DPP8: variants seen among roughly 807,000 people sequenced by gnomAD.
DPP8 encodes the protein DPP VIII.
A neutral mutation model predicts 107.5 loss-of-function variants in DPP8; 31 were observed. The observed-to-expected ratio is 0.29, with a 90% confidence interval of 0.22 to 0.39. DPP8 has a LOEUF of 0.39. Among genes scored for constraint, DPP8 ranks in the 10% least tolerant of loss-of-function variants. The pLI is 1.00. For synonymous variants in DPP8, 381 were observed against 356.6 expected (o/e 1.07, Z -0.77); for missense variants, 842 against 1,076.1 (o/e 0.78, Z 3.04).
intron 3 of DPP8, among the ~76,000 whole-genome samples, 177 bp from the exon 4 acceptor site, chr15:65,500,956 C>T (rs558985631): frequency 4.7e-5 from 7 of 148,482 alleles, no homozygotes; most frequent in African/African-American, 1.5e-4. Context: ...TGGCTCACTG[C>T]AAGCTCTGCC....
intron 19 of DPP8, among the ~76,000 whole-genome samples, chr15:65,449,720 A>G (rs562322782): frequency 1.6e-4 from 25 of 152,042 alleles, no homozygotes; most frequent in Non-Finnish European, 2.2e-4. Flanking sequence ...CCATTTCATA[A>G]CTACATACTC....
intron 12 of DPP8, among the ~76,000 whole-genome samples, chr15:65,469,674 A>T (rs1268265357): frequency 1.1e-4 from 17 of 150,730 alleles, no homozygotes; most frequent in Non-Finnish European, 1.3e-4. Flanking sequence ...AAAAAAAAAA[A>T]AAATTACAAA....
intron 2 of DPP8, among the ~76,000 whole-genome samples, chr15:65,507,758 TA>T (rs1333229455): frequency 6.6e-6 from 1 of 151,836 alleles, no homozygotes; most frequent in African/African-American, 2.4e-5. Flanking sequence ...AATATAAAAG[TA>T]TGTAAGTTGC....
Position 65,461,651 on chromosome 15 carries a change from G to C in DPP8, c.1971+2110C>G, listed in dbSNP as rs982693903. On this transcript the variant is annotated intron_variant, in intron 15 of 19. Transcript: ENST00000300141. ...AGAGTCTCGCTGTGTTGTCCAGGCC[G>C]GAGTGCAGTGGTACGATCTTGGCTC... 2.0e-5 allele frequency among the ~76,000 whole-genome samples: 3 copies of C among 150,774 alleles called. No individual in the cohort carries two copies. The East Asian group carries it at 5.9e-4, about 29-fold the overall frequency.
intron 12 of DPP8, among the ~76,000 whole-genome samples, 159 bp downstream of exon 12, chr15:65,474,050 G>T (rs1218801143): frequency 6.6e-6 from 1 of 152,076 alleles, no homozygotes; most frequent in Admixed American, 6.5e-5. Flanking sequence ...GTTGTAGTGA[G>T]CCGAGATCAC....
intron 11 of DPP8, chr15:65,475,365 A>G: frequency 2.9e-6 from 4 of 1,398,320 alleles, no homozygotes; most frequent in African/African-American, 2.8e-5. Flanking sequence ...TGGGCTTTGG[A>G]GGAACAGGAG....
In DPP8 at chr15:65,477,223, C is replaced by A. The variant is rs529798979; in HGVS notation, c.1456+1657G>T. Among the ~76,000 whole-genome samples, 11 of 152,026 alleles carry A rather than the reference C, an allele frequency of 7.2e-5. No individual in the cohort carries two copies. The East Asian group carries it at 1.9e-3, about 27-fold the overall frequency. On this transcript the variant is annotated intron_variant, in intron 11 of 19. Transcript: ENST00000300141. Reference sequence around the variant, plus strand: ...ATCACATGAGGTCAGGAGTTCGAGACCAGCCCGGCCAAAATACAAAAATTA... The same window carrying A: ...ATCACATGAGGTCAGGAGTTCGAGAACAGCCCGGCCAAAATACAAAAATTA...
At chr15:65,486,885 T>A (rs930407574) in intron 7 of DPP8, among the ~76,000 whole-genome samples, 1 of 152,090 alleles carries the variant, frequency 6.6e-6, no homozygotes, top group African/African-American at 2.4e-5. Context: ...CAGTGTACAC[T>A]GCTCGGGTGA....
Position 65,444,519 on chromosome 15 carries a change from TATG to T in DPP8, c.*2362_*2364del, listed in dbSNP as rs2063419698. 6.6e-6 allele frequency: 1 copy of T among 152,216 alleles called. No individual in the cohort carries two copies. Among genetic ancestry groups the T allele is most frequent in the Non-Finnish European group, 1.5e-5 (1 of 68,032 alleles). 9.4% of individuals were successfully genotyped at this position (152,216 alleles called of 1,614,324 possible). A position where few individuals can be genotyped will look rare whatever the true frequency, so the allele number is the denominator to read the frequency against. On this transcript the variant is annotated 3_prime_UTR_variant, in exon 20 of 20. Transcript: ENST00000300141. The stretch of plus-strand genomic sequence containing the variant: ...ATTTCTACTGATTGCCTCAATTGAC[TATG>T]ATATTTTCCACACTGATTGTAAAAA...
rs755361773 is a variant in DPP8 at position 65,497,907 on chromosome 15, G to A, written c.672C>T (p.Asn224=). The A allele has an allele frequency of 6.3e-7, 1 of 1,592,244 alleles. No homozygotes were observed. The highest frequency in any genetic ancestry group is 8.6e-7 in the Non-Finnish European group (1 of 1,166,344). The change falls in exon 5 of 20, where the codon AAC becomes AAT. Residue 224 remains asparagine, a synonymous_variant. Coordinates refer to ENST00000300141, the MANE Select transcript of DPP8 (RefSeq NM_130434.5). ...FIHSNDIWIS[N]IVTREERRLT... Reference sequence around the variant, plus strand: ...GTCTCCTTTCTTCTCTGGTTACGATGTTAGATATCCAAATATCGTTGCTAT... The same window carrying A: ...GTCTCCTTTCTTCTCTGGTTACGATATTAGATATCCAAATATCGTTGCTAT...
rs1403817884 is a variant in DPP8, at chr15:65,467,199, G to C, written c.1561C>G (p.Leu521Val). 6.2e-7 allele frequency: 1 copy of C among 1,614,042 alleles called. No homozygotes were observed. ...TCTTTGGTGCCTTCAAAATATACCA[G>C]CCTTCTGACTTCATCAACTTGGATC... is the stretch of plus-strand genomic sequence containing the variant. ...SNIQVDEVRR[L>V]VYFEGTKDSP... The change falls in exon 13 of 20, where the codon CTG becomes GTG. Residue 521 changes from leucine (L) to valine (V), a missense_variant. Physicochemically the swap from Leu to Val is conservative, Grantham distance 32. Coordinates refer to ENST00000300141, the MANE Select transcript of DPP8 (RefSeq NM_130434.5).
At chr15:65,458,255 T>C (rs77019915) in intron 15 of DPP8, among the ~76,000 whole-genome samples, 1,600 of 150,990 alleles carry the variant, frequency 0.011, 26 homozygotes, top group African/African-American at 0.038. Flanking sequence ...TAAGTATTTG[T>C]TACACAAACT....
At chr15:65,489,205 C>T (rs1308261457) in intron 6 of DPP8, among the ~76,000 whole-genome samples, 1 of 151,586 alleles carries the variant, frequency 6.6e-6, no homozygotes, top group Non-Finnish European at 1.5e-5. Flanking sequence ...ATGATCCGCC[C>T]GCCTTGGCCT....
intron 11 of DPP8, among the ~76,000 whole-genome samples, chr15:65,478,188 G>A (rs757553202): frequency 8.5e-5 from 13 of 152,140 alleles, no homozygotes; most frequent in Non-Finnish European, 1.8e-4. Flanking sequence ...CTCCAGTGTA[G>A]ATGCAGATAG....
At chr15:65,511,410 T>C (rs936072083) in intron 2 of DPP8, among the ~76,000 whole-genome samples, 1 of 151,138 alleles carries the variant, frequency 6.6e-6, no homozygotes, top group Non-Finnish European at 1.5e-5. Context: ...AATTATATAA[T>C]GGAATGTTAC....
chr15:65,496,028 G>C (rs1305359388), intron 5 of DPP8, among the ~76,000 whole-genome samples: 1 of 151,298 alleles, frequency 6.6e-6, no homozygotes, highest in South Asian at 2.1e-4. Flanking sequence ...CTGTCGCCCA[G>C]GCTGGAATGC....
chr15:65,479,076 T>C (rs372733571), intron 10 of DPP8, 37 bp from the exon 11 acceptor site: 63 of 1,396,044 alleles, frequency 4.5e-5, no homozygotes, highest in Admixed American at 5.1e-5. Flanking sequence ...ATACATATTA[T>C]GAAAATACTA....
chr15:65,513,851 T>A (rs1596167019), intron 1 of DPP8, among the ~76,000 whole-genome samples: 1 of 152,216 alleles, frequency 6.6e-6, no homozygotes, highest in East Asian at 1.9e-4. Flanking sequence ...CAAACCAGTG[T>A]GTATTCCAAC....
intron 19 of DPP8, among the ~76,000 whole-genome samples, chr15:65,447,942 G>T (rs896222139): frequency 1.6e-4 from 24 of 152,144 alleles, no homozygotes; most frequent in Non-Finnish European, 3.2e-4. Context: ...AATAAAAGGA[G>T]TCAATATTTG....
Sources: allele counts gnomAD v4.1 joint callset (sites outside exome capture counted in the v4.1 genomes callset), GRCh38; gene constraint gnomAD v4.1.1; transcripts MANE v1.5; gene names NCBI Gene and HGNC (gene_info 2026-07-23, HGNC 2026-07-21).